ATP10B: variants seen among roughly 807,000 people sequenced by gnomAD.
ATP10B encodes the protein ATPase phospholipid transporting 10B (putative).
A neutral mutation model predicts 141.2 loss-of-function variants in ATP10B; 122 were observed. The observed-to-expected ratio is 0.86, with a 90% CI of 0.75 to 1.00. The LOEUF is 1.00. Ranked by LOEUF, ATP10B falls within the 50% of genes least tolerant of loss-of-function variation. The probability of loss-of-function intolerance (pLI) is 0.00; values close to 1 mark genes in which losing one functional copy is unlikely to be tolerated. For synonymous variants in ATP10B, 685 were observed against 692.0 expected (o/e 0.99, Z 0.16); for missense variants, 1,876 against 1,825.3 (o/e 1.03, Z -0.51).
intron 1 of ATP10B, among the ~76,000 whole-genome samples, chr5:160,829,115 A>T (rs1293288205): frequency 6.6e-6 from 1 of 151,156 alleles, no homozygotes; most frequent in Non-Finnish European, 1.5e-5. Context: ...CTAAATGATG[A>T]GTTAATTGGT....
intron 6 of ATP10B, among the ~76,000 whole-genome samples, chr5:160,684,427 G>C (rs939346949): frequency 6.6e-6 from 1 of 152,142 alleles, no homozygotes; most frequent in Non-Finnish European, 1.5e-5. Flanking sequence ...GTTCAACTCA[G>C]GCAGTGTGTC....
At chr5:160,781,913 T>C (rs1372422215) in intron 2 of ATP10B, among the ~76,000 whole-genome samples, 1 of 152,202 alleles carries the variant, frequency 6.6e-6, no homozygotes, top group Non-Finnish European at 1.5e-5. Flanking sequence ...TACTACAACC[T>C]GCTCCTTATA....
chr5:160,908,798 T>G, the ATP10B span, among the ~76,000 whole-genome samples: 94,858 of 151,964 alleles, frequency 0.62, 30,942 homozygotes, highest in African/African-American at 0.81. Context: ...TGCTGAGAGG[T>G]TAGCAGGCTA....
At chr5:160,793,785 C>T (rs1645190205) in intron 1 of ATP10B, among the ~76,000 whole-genome samples, 1 of 152,158 alleles carries the variant, frequency 6.6e-6, no homozygotes, top group Non-Finnish European at 1.5e-5. Context: ...TGGTAAGCAC[C>T]CTAATGCAAG....
chr5:160,632,103 G>A, intron 13 of ATP10B, 26 bp downstream of exon 13: 2 of 1,591,314 alleles, frequency 1.3e-6, no homozygotes, highest in Non-Finnish European at 1.7e-6. Flanking sequence ...AACACTTACA[G>A]TTCAAAGGCA....
intron 22 of ATP10B, among the ~76,000 whole-genome samples, chr5:160,596,302 T>C (rs1420623410): frequency 6.6e-6 from 1 of 152,082 alleles, no homozygotes; most frequent in Non-Finnish European, 1.5e-5. Flanking sequence ...CACGTGATTA[T>C]CCCAATAGAT....
chr5:160,612,642 T>A, intron 18 of ATP10B, 99 bp downstream of exon 18: 1 of 1,088,782 alleles, frequency 9.2e-7, no homozygotes, highest in Non-Finnish European at 1.3e-6. Context: ...GGTGCTTCCC[T>A]GGTGTACCCA....
chr5:160,692,509 TC>T (rs1393680841), intron 3 of ATP10B: 1 of 152,184 alleles, frequency 6.6e-6, no homozygotes, highest in Admixed American at 6.6e-5. Flanking sequence ...ACCATTTGCT[TC>T]CCCATTGCTC....
At chr5:160,786,794 G>A (rs563387212) in intron 1 of ATP10B, among the ~76,000 whole-genome samples, 1 of 152,052 alleles carries the variant, frequency 6.6e-6, no homozygotes, top group Non-Finnish European at 1.5e-5. Flanking sequence ...CACGGTAGGT[G>A]CTTTAGATTT....
At chr5:160,879,861 T>C in the ATP10B span, among the ~76,000 whole-genome samples, 7 of 151,744 alleles carry the variant, frequency 4.6e-5, no homozygotes, top group Non-Finnish European at 1.0e-4. Flanking sequence ...AAACAAAGAA[T>C]AGACAACTTC....
the ATP10B span, among the ~76,000 whole-genome samples, chr5:160,910,046 C>T: frequency 3.3e-5 from 5 of 152,160 alleles, no homozygotes; most frequent in African/African-American, 1.2e-4. Flanking sequence ...ATAGAGACTC[C>T]TCATCAAGCC....
intron 11 of ATP10B, among the ~76,000 whole-genome samples, chr5:160,635,753 C>T (rs1759317834): frequency 1.3e-5 from 2 of 152,102 alleles, no homozygotes; most frequent in South Asian, 4.1e-4. Context: ...TGTTCTTTTC[C>T]TTCTCAATGT....
intron 15 of ATP10B, among the ~76,000 whole-genome samples, chr5:160,618,325 G>A (rs528185199): frequency 2.6e-5 from 4 of 152,358 alleles, no homozygotes; most frequent in African/African-American, 9.6e-5. Context: ...AAGCCCAGCT[G>A]AATCAGGGGA....
At chr5:160,758,185 G>A (rs1024366322) in intron 2 of ATP10B, among the ~76,000 whole-genome samples, 3 of 152,156 alleles carry the variant, frequency 2.0e-5, no homozygotes, top group African/African-American at 4.8e-5. Context: ...AGTAGCCAAT[G>A]TGACTATCCA....
At chr5:160,652,794 A>G (rs1198936297) in intron 7 of ATP10B, among the ~76,000 whole-genome samples, 1 of 107,468 alleles carries the variant, frequency 9.3e-6, no homozygotes, top group Non-Finnish European at 1.7e-5. Flanking sequence ...ATAAAAATAT[A>G]TAATATATTA....
the ATP10B span, among the ~76,000 whole-genome samples, chr5:160,918,484 A>C: frequency 6.6e-6 from 1 of 152,216 alleles, no homozygotes; most frequent in African/African-American, 2.4e-5. Flanking sequence ...TCTTAAGGCT[A>C]GATAGACCAT....
chr5:160,684,093 A>C (rs1299541395), intron 6 of ATP10B, among the ~76,000 whole-genome samples: 1 of 152,216 alleles, frequency 6.6e-6, no homozygotes, highest in East Asian at 1.9e-4. Context: ...GAGCACTTAC[A>C]CAAGTTAAAA....
intron 1 of ATP10B, among the ~76,000 whole-genome samples, chr5:160,802,515 A>G (rs1431593405): frequency 1.3e-5 from 2 of 152,336 alleles, no homozygotes; most frequent in African/African-American, 2.4e-5. Flanking sequence ...TTAAACATCT[A>G]TGGTGAATGC....
intron 24 of ATP10B, among the ~76,000 whole-genome samples, chr5:160,579,538 G>T (rs1254329897): frequency 6.6e-6 from 1 of 152,074 alleles, no homozygotes; most frequent in East Asian, 1.9e-4. Flanking sequence ...ATCTGTTTTG[G>T]TACCAGTACC....
Sources: allele counts gnomAD v4.1 joint callset (sites outside exome capture counted in the v4.1 genomes callset), GRCh38; gene constraint gnomAD v4.1.1; transcripts MANE v1.5; gene names NCBI Gene and HGNC (gene_info 2026-07-23, HGNC 2026-07-21).